Variants in MAGI2 observed in about 807,000 individuals in gnomAD.
MAGI2 encodes the protein membrane associated guanylate kinase, WW and PDZ domain containing 2, also known as membrane-associated guanylate kinase, WW and PDZ domain-containing protein 2.
In MAGI2, 35 loss-of-function variants were observed where a neutral mutation model predicts 133.3. The ratio of observed to expected loss-of-function variants is 0.26; its 90% CI spans 0.20 to 0.35. MAGI2 has a LOEUF of 0.35. Ranked by LOEUF, MAGI2 falls within the 10% of genes least tolerant of loss-of-function variation. MAGI2 has a pLI of 1.00. For synonymous variants in MAGI2, 729 were observed against 710.6 expected, an observed-to-expected ratio of 1.03 and a Z score of -0.41; for missense variants, 1,636 against 1,863.4, an observed-to-expected ratio of 0.88 and a Z score of 2.25.
At chr7:78,918,703 C>T (rs887323203) in intron 2 of MAGI2, among the ~76,000 whole-genome samples, 1 of 152,032 alleles carries the variant, frequency 6.6e-6, no homozygotes, top group African/African-American at 2.4e-5. Flanking sequence ...TTAAGTTTTT[C>T]CATTTGAAGA....
At chr7:79,221,140 A>T (rs10235211) in intron 1 of MAGI2, among the ~76,000 whole-genome samples, 92,221 of 151,814 alleles carry the variant, frequency 0.61, 29,411 homozygotes, top group Non-Finnish European at 0.7. Context: ...ATATGAAGAG[A>T]CACAAAATAT....
Position 78,882,086 on chromosome 7 carries a change from C to CAAAAAAAAAAAA in MAGI2, c.418+124992_418+125003dup, listed in dbSNP as rs771918590. ...GCTAGATTAACAACAACAACAACAA[C>CAAAAAAAAAAAA]AAAAAAAAAAAAAAAAAAAAAAGAA... On this transcript the variant is annotated intron_variant, in intron 2 of 21. Transcript: ENST00000354212. Among the ~76,000 whole-genome samples, 33 of 12,468 alleles carry CAAAAAAAAAAAA rather than the reference C, an allele frequency of 2.6e-3. 2 individuals carry two copies. Among genetic ancestry groups the CAAAAAAAAAAAA allele is most frequent in the African/African-American group, 3.0e-3 (9 of 3,008 alleles). 8.2% of individuals were successfully genotyped at this position (12,468 alleles called of 152,430 possible).
intron 1 of MAGI2, among the ~76,000 whole-genome samples, chr7:79,053,008 C>G (rs977371289): frequency 6.6e-6 from 1 of 152,118 alleles, no homozygotes; most frequent in Non-Finnish European, 1.5e-5. Flanking sequence ...CTATCTCACT[C>G]TGTCGTCCAG....
At chr7:79,030,570 G>A (rs778800384) in intron 1 of MAGI2, among the ~76,000 whole-genome samples, 14 of 152,178 alleles carry the variant, frequency 9.2e-5, no homozygotes, top group Non-Finnish European at 1.9e-4. Flanking sequence ...GAAAGCAGAT[G>A]CAAACATGCT....
chr7:78,142,798 G>A (rs1305091400), intron 16 of MAGI2, among the ~76,000 whole-genome samples: 1 of 152,182 alleles, frequency 6.6e-6, no homozygotes. Context: ...CTGTAGGTGT[G>A]TGGGGTCTGG....
At chr7:78,211,247 C>T (rs886783852) in intron 10 of MAGI2, among the ~76,000 whole-genome samples, 2 of 137,150 alleles carry the variant, frequency 1.5e-5, no homozygotes, top group African/African-American at 5.0e-5. Flanking sequence ...GGATCTGCCC[C>T]ATGGGGAGGG....
chr7:78,332,758 C>T (rs1789364181), intron 9 of MAGI2, among the ~76,000 whole-genome samples: 1 of 151,178 alleles, frequency 6.6e-6, no homozygotes, highest in East Asian at 1.9e-4. Context: ...CTGCTCTCAC[C>T]CTCACTGTGA....
At chr7:78,846,961 G>A (rs1463771394) in intron 2 of MAGI2, among the ~76,000 whole-genome samples, 1 of 151,784 alleles carries the variant, frequency 6.6e-6, no homozygotes, top group African/African-American at 2.4e-5. Context: ...CCTTATATAG[G>A]TCCCAACCCC....
At chr7:79,075,837 A>C (rs1026999016) in intron 1 of MAGI2, among the ~76,000 whole-genome samples, 4 of 152,184 alleles carry the variant, frequency 2.6e-5, no homozygotes, top group African/African-American at 9.6e-5. Flanking sequence ...AACTATTTCT[A>C]AAACAGGAAG....
At chr7:79,317,883 T>C (rs923988388) in intron 1 of MAGI2, among the ~76,000 whole-genome samples, 1 of 152,316 alleles carries the variant, frequency 6.6e-6, no homozygotes. Flanking sequence ...CAGCAGCATG[T>C]CAGTTCAGTT....
intron 1 of MAGI2, among the ~76,000 whole-genome samples, chr7:79,403,764 G>T (rs1377976918): frequency 6.6e-6 from 1 of 152,060 alleles, no homozygotes. Context: ...TTAGAGAAAA[G>T]ATATTTTCAA....
intron 1 of MAGI2, among the ~76,000 whole-genome samples, chr7:79,273,341 C>T (rs1563067666): frequency 6.6e-6 from 1 of 152,070 alleles, no homozygotes. Context: ...TGGAGCTATT[C>T]TTATTTCTTA....
At chr7:79,049,058 T>C (rs1391599830) in intron 1 of MAGI2, among the ~76,000 whole-genome samples, 1 of 152,214 alleles carries the variant, frequency 6.6e-6, no homozygotes, top group African/African-American at 2.4e-5. Context: ...ATGATCATGC[T>C]TTTAAGGTCC....
chr7:79,290,515 T>C (rs559665210), intron 1 of MAGI2, among the ~76,000 whole-genome samples: 1 of 152,082 alleles, frequency 6.6e-6, no homozygotes, highest in Admixed American at 6.5e-5. Context: ...TATACGTCCA[T>C]TGATGCCAAA....
intron 2 of MAGI2, among the ~76,000 whole-genome samples, chr7:78,771,538 T>G (rs1164626169): frequency 1.3e-5 from 2 of 152,216 alleles, no homozygotes; most frequent in Non-Finnish European, 2.9e-5. Context: ...GCTAGTATAG[T>G]ATAATGAAAT....
chr7:79,034,899 A>T (rs967008421), intron 1 of MAGI2, among the ~76,000 whole-genome samples: 9 of 152,238 alleles, frequency 5.9e-5, no homozygotes, highest in African/African-American at 2.2e-4. Flanking sequence ...ATTAACTTCA[A>T]GAAAGATGAA....
At chr7:79,205,377 C>T (rs545916261) in intron 1 of MAGI2, among the ~76,000 whole-genome samples, 14 of 151,964 alleles carry the variant, frequency 9.2e-5, no homozygotes, top group Middle Eastern at 3.4e-3. Flanking sequence ...AGTAAAAATA[C>T]TGTGTCAAGC....
intron 1 of MAGI2, among the ~76,000 whole-genome samples, chr7:79,329,293 T>C (rs1240255847): frequency 6.6e-6 from 1 of 152,246 alleles, no homozygotes; most frequent in African/African-American, 2.4e-5. Context: ...AGTAACATTA[T>C]AGTGCCTGCT....
chr7:78,085,210 G>A (rs73362667), intron 20 of MAGI2, among the ~76,000 whole-genome samples: 31,004 of 152,034 alleles, frequency 0.2, 3,164 homozygotes, highest in South Asian at 0.24. Flanking sequence ...CTCTCTTTAT[G>A]CTATGTTTTA....
Sources: allele counts gnomAD v4.1 joint callset (sites outside exome capture counted in the v4.1 genomes callset), GRCh38; gene constraint gnomAD v4.1.1; transcripts MANE v1.5; gene names NCBI Gene and HGNC (gene_info 2026-07-23, HGNC 2026-07-21).